The following UTRN variants were observed in gnomAD, a reference collection of about 807,000 sequenced individuals.
UTRN encodes the protein dystrophin-related protein 1.
Under a neutral mutation model 463.9 loss-of-function variants are expected in UTRN, and 283 were observed. That is an observed-to-expected ratio of 0.61 (90% CI 0.55 to 0.67). The LOEUF (loss-of-function observed/expected upper bound fraction) is 0.67. UTRN is among the 30% of genes least tolerant of loss of function. The pLI, the probability that UTRN is intolerant of heterozygous loss-of-function variation, is 0.00. For synonymous variants in UTRN, 1,442 were observed against 1,431.5 expected (o/e 1.01, Z -0.17); for missense variants, 3,922 against 4,084.3 (o/e 0.96, Z 1.08).
chr6:144,497,008 A>G (rs1169577103), intron 33 of UTRN, among the ~76,000 whole-genome samples: 1 of 152,224 alleles, frequency 6.6e-6, no homozygotes, highest in Non-Finnish European at 1.5e-5. Context: ...GATTAGACAA[A>G]ATCCTGCCAA....
intron 51 of UTRN, among the ~76,000 whole-genome samples, chr6:144,661,387 C>G (rs571775189): frequency 6.6e-6 from 1 of 152,152 alleles, no homozygotes; most frequent in African/African-American, 2.4e-5. Flanking sequence ...TCTTTGCTCC[C>G]TCCTGGCTGC....
At chr6:144,445,952 C>T (rs1419057754) in intron 14 of UTRN, among the ~76,000 whole-genome samples, 1 of 152,004 alleles carries the variant, frequency 6.6e-6, no homozygotes, top group East Asian at 1.9e-4. Context: ...TTGCTTGAAC[C>T]CAGGAAGCAG....
At chr6:144,615,956 T>G (rs1806039862) in intron 51 of UTRN, among the ~76,000 whole-genome samples, 1 of 152,092 alleles carries the variant, frequency 6.6e-6, no homozygotes, top group Non-Finnish European at 1.5e-5. Context: ...TTTAAAAATT[T>G]TTAACCATCA....
At chr6:144,375,931 C>T (rs900229960) in intron 2 of UTRN, among the ~76,000 whole-genome samples, 1 of 152,164 alleles carries the variant, frequency 6.6e-6, no homozygotes, top group Non-Finnish European at 1.5e-5. Flanking sequence ...TCTTCCCCCC[C>T]ACATAGGGTA....
intron 51 of UTRN, among the ~76,000 whole-genome samples, chr6:144,647,156 A>G (rs1476183850): frequency 6.6e-6 from 1 of 152,088 alleles, no homozygotes; most frequent in Non-Finnish European, 1.5e-5. Flanking sequence ...AGTTCTTAGT[A>G]CCCTTAGAAT....
At chr6:144,651,716 C>T (rs544929781) in intron 51 of UTRN, among the ~76,000 whole-genome samples, 1 of 152,344 alleles carries the variant, frequency 6.6e-6, no homozygotes, top group South Asian at 2.1e-4. Flanking sequence ...TCATCCTGAA[C>T]TACATATAGT....
At chr6:144,362,023 C>T (rs1779124641) in intron 2 of UTRN, among the ~76,000 whole-genome samples, 1 of 151,978 alleles carries the variant, frequency 6.6e-6, no homozygotes, top group East Asian at 1.9e-4. Context: ...TCATAGTAAT[C>T]ATAATAATGG....
chr6:144,597,866 T>C (rs1423795905), intron 51 of UTRN, among the ~76,000 whole-genome samples: 2 of 152,260 alleles, frequency 1.3e-5, no homozygotes, highest in Non-Finnish European at 2.9e-5. Context: ...GTGATTCTTT[T>C]AGCACACATA....
At chr6:144,611,344 A>G (rs760058714) in intron 51 of UTRN, among the ~76,000 whole-genome samples, 22 of 152,186 alleles carry the variant, frequency 1.4e-4, no homozygotes, top group Non-Finnish European at 2.9e-4. Flanking sequence ...TCTGTTCAGC[A>G]TAGTACTGGA....
chr6:144,836,621 G>A (rs1781130141), intron 71 of UTRN, 80 bp downstream of exon 71: 2 of 1,553,686 alleles, frequency 1.3e-6, no homozygotes, highest in Admixed American at 1.9e-5. Context: ...CAGGTGTCAG[G>A]AGAGGCAGAG....
chr6:144,475,750 T>C (rs1791127939), intron 25 of UTRN, among the ~76,000 whole-genome samples: 1 of 152,032 alleles, frequency 6.6e-6, no homozygotes, highest in African/African-American at 2.4e-5. Context: ...GCTGGAACTA[T>C]AGATGTTCAC....
chr6:144,610,551 C>A (rs192518264), intron 51 of UTRN, among the ~76,000 whole-genome samples: 2 of 152,234 alleles, frequency 1.3e-5, no homozygotes, highest in East Asian at 3.9e-4. Context: ...CAGAATACTT[C>A]CAAACTAATT....
At position 144,851,041 on chromosome 6, in the gene UTRN, C is replaced by A; in HGVS notation, c.*44C>A. 6.2e-7 allele frequency: 1 copy of A among 1,613,214 alleles called. No individual in the cohort carries two copies. The highest frequency in any genetic ancestry group is 1.7e-4 in the Middle Eastern group (1 of 6,058). On this transcript the variant is annotated 3_prime_UTR_variant, in exon 75 of 75. Coordinates refer to ENST00000367545, the MANE Select transcript of UTRN (RefSeq NM_007124.3). The stretch of plus-strand genomic sequence containing the variant: ...CAATGTTTCCTGACGTACAGTGTTG[C>A]CCTTTTCAGCAAATGCCAATTCCAA...
chr6:144,818,074 T>C (rs1236159003), intron 65 of UTRN, among the ~76,000 whole-genome samples: 1 of 152,184 alleles, frequency 6.6e-6, no homozygotes, highest in Non-Finnish European at 1.5e-5. Context: ...AACTGGCACT[T>C]TTGAATAATT....
At chr6:144,332,412 G>T (rs1041910164) in intron 2 of UTRN, among the ~76,000 whole-genome samples, 1 of 152,106 alleles carries the variant, frequency 6.6e-6, no homozygotes, top group Non-Finnish European at 1.5e-5. Flanking sequence ...AAGAACAAAA[G>T]CATTTGTAAT....
At chr6:144,410,860 A>T (rs1783838879) in intron 3 of UTRN, among the ~76,000 whole-genome samples, 1 of 151,838 alleles carries the variant, frequency 6.6e-6, no homozygotes, top group Admixed American at 6.6e-5. Context: ...TCATTGATCG[A>T]TGGGCATTTG....
intron 3 of UTRN, among the ~76,000 whole-genome samples, chr6:144,405,785 T>C (rs1418320017): frequency 6.6e-6 from 1 of 152,220 alleles, no homozygotes; most frequent in Admixed American, 6.5e-5. Context: ...TTAATTCCAA[T>C]ACCTACATAT....
chr6:144,555,527 G>A (rs139037271), intron 49 of UTRN, among the ~76,000 whole-genome samples: 2 of 152,284 alleles, frequency 1.3e-5, no homozygotes, highest in Non-Finnish European at 2.9e-5. Flanking sequence ...CCACCTCTTG[G>A]GTTCCAGCGA....
chr6:144,729,589 C>T (rs182908208), intron 53 of UTRN, among the ~76,000 whole-genome samples: 15 of 152,234 alleles, frequency 9.9e-5, no homozygotes, highest in Admixed American at 9.8e-4. Flanking sequence ...TTGGCAACAG[C>T]GTTAAAATTG....
Sources: allele counts gnomAD v4.1 joint callset (sites outside exome capture counted in the v4.1 genomes callset), GRCh38; gene constraint gnomAD v4.1.1; transcripts MANE v1.5; gene names NCBI Gene and HGNC (gene_info 2026-07-23, HGNC 2026-07-21).